Variants in SCMH1 observed in about 807,000 individuals in gnomAD.
The protein encoded by SCMH1 is polycomb protein SCMH1.
In SCMH1, 37 loss-of-function variants were observed where a neutral mutation model predicts 70.8. The ratio of observed to expected loss-of-function variants is 0.52; its 90% confidence interval spans 0.40 to 0.69. SCMH1 has a LOEUF of 0.69. SCMH1 is among the 30% of genes least tolerant of loss of function. The probability of loss-of-function intolerance (pLI) is 0.00; values close to 1 mark genes in which losing one functional copy is unlikely to be tolerated. For missense variants in SCMH1, 607 were observed against 827.3 expected, an observed-to-expected ratio of 0.73 and a Z score of 3.27; for synonymous variants, 292 against 307.4, an observed-to-expected ratio of 0.95 and a Z score of 0.52.
At chr1:41,072,668 C>T (rs1042386741) in intron 9 of SCMH1, among the ~76,000 whole-genome samples, 1 of 152,062 alleles carries the variant, frequency 6.6e-6, no homozygotes, top group Non-Finnish European at 1.5e-5. Flanking sequence ...TTGAGACCAG[C>T]CTGGGCAACA....
At chr1:41,241,458 G>A (rs1663521289) in intron 1 of SCMH1, among the ~76,000 whole-genome samples, 1 of 152,098 alleles carries the variant, frequency 6.6e-6, no homozygotes, top group Non-Finnish European at 1.5e-5. Flanking sequence ...CCAGCCCCCA[G>A]GACGCTGCTG....
chr1:41,052,561 A>C (rs754190438), intron 10 of SCMH1, among the ~76,000 whole-genome samples: 1 of 152,234 alleles, frequency 6.6e-6, no homozygotes, highest in Non-Finnish European at 1.5e-5. Flanking sequence ...ATACTGGCTA[A>C]TGATGCATTT....
chr1:41,201,897 T>C (rs1654441433), intron 1 of SCMH1, among the ~76,000 whole-genome samples: 1 of 152,220 alleles, frequency 6.6e-6, no homozygotes, highest in Non-Finnish European at 1.5e-5. Context: ...ACCTTCTTCA[T>C]GCCAACTCCT....
chr1:41,127,104 TTTA>T (rs1168856471), intron 6 of SCMH1, among the ~76,000 whole-genome samples: 1 of 152,178 alleles, frequency 6.6e-6, no homozygotes, highest in Non-Finnish European at 1.5e-5. Flanking sequence ...CTGCACTTAT[TTTA>T]TTATGAGTGG....
At chr1:41,227,748 G>A (rs1573239555) in intron 1 of SCMH1, among the ~76,000 whole-genome samples, 2 of 152,176 alleles carry the variant, frequency 1.3e-5, no homozygotes, top group African/African-American at 2.4e-5. Context: ...TTGGGAAGCC[G>A]AGGCGGGCAG....
chr1:41,179,365 T>C (rs1647995989), intron 2 of SCMH1, among the ~76,000 whole-genome samples: 1 of 152,056 alleles, frequency 6.6e-6, no homozygotes, highest in Non-Finnish European at 1.5e-5. Context: ...ATAACTAACA[T>C]CAGAGCAGAA....
chr1:41,062,948 G>T (rs1021964262), intron 10 of SCMH1, among the ~76,000 whole-genome samples: 10 of 149,862 alleles, frequency 6.7e-5, no homozygotes, highest in African/African-American at 2.2e-4. Context: ...GGAACTAAAT[G>T]AAAATGAAAA....
intron 8 of SCMH1, among the ~76,000 whole-genome samples, chr1:41,100,685 C>T (rs1666373587): frequency 6.6e-6 from 1 of 151,784 alleles, no homozygotes; most frequent in Non-Finnish European, 1.5e-5. Context: ...TCTGCTTCAG[C>T]CTCCCAAGTA....
intron 2 of SCMH1, among the ~76,000 whole-genome samples, chr1:41,167,904 A>T (rs1572783633): frequency 8.0e-6 from 1 of 124,612 alleles, no homozygotes; most frequent in East Asian, 2.3e-4. Flanking sequence ...CTTTGCTGGC[A>T]GTGTTTTGTT....
chr1:41,197,931 A>G (rs2148705115), intron 1 of SCMH1, among the ~76,000 whole-genome samples: 1 of 152,242 alleles, frequency 6.6e-6, no homozygotes, highest in Non-Finnish European at 1.5e-5. Flanking sequence ...TTTTCTGGAT[A>G]ATGTTACTAT....
chr1:41,175,134 T>C (rs147580366), intron 2 of SCMH1, among the ~76,000 whole-genome samples: 317 of 152,354 alleles, frequency 2.1e-3, no homozygotes, highest in Admixed American at 3.9e-3. Context: ...GTGGTATTTA[T>C]TGAAGAGATT....
At chr1:41,061,559 C>T (rs1652650878) in intron 10 of SCMH1, among the ~76,000 whole-genome samples, 2 of 152,134 alleles carry the variant, frequency 1.3e-5, no homozygotes, top group Non-Finnish European at 2.9e-5. Flanking sequence ...TACCTAACAA[C>T]AGAGTGTCAG....
chr1:41,076,832 A>C (rs2268677), intron 8 of SCMH1, among the ~76,000 whole-genome samples: 21,058 of 152,136 alleles, frequency 0.14, 1,795 homozygotes, highest in Middle Eastern at 0.28. Flanking sequence ...TTAGAGAGTG[A>C]GTAGCAGTAA....
intron 10 of SCMH1, among the ~76,000 whole-genome samples, chr1:41,058,004 C>A (rs919729005): frequency 2.0e-5 from 3 of 151,642 alleles, no homozygotes; most frequent in African/African-American, 4.8e-5. Flanking sequence ...CGCCTGTAGT[C>A]CCAGCTACAC....
At chr1:41,042,204 G>C (rs1236136378) in intron 12 of SCMH1, among the ~76,000 whole-genome samples, 2 of 151,514 alleles carry the variant, frequency 1.3e-5, no homozygotes, top group African/African-American at 4.9e-5. Context: ...CTGAAGGTAG[G>C]GACAATATCT....
At chr1:41,166,322 G>A (rs183627634) in intron 2 of SCMH1, among the ~76,000 whole-genome samples, 1 of 152,022 alleles carries the variant, frequency 6.6e-6, no homozygotes, top group African/African-American at 2.4e-5. Context: ...TGGCTATTTG[G>A]GATCCTTTGT....
intron 8 of SCMH1, among the ~76,000 whole-genome samples, chr1:41,101,683 C>T (rs777156496): frequency 6.6e-5 from 10 of 150,964 alleles, no homozygotes; most frequent in Admixed American, 1.3e-4. Flanking sequence ...TATCCAAGTC[C>T]GCTGTTTTTT....
At chr1:41,185,842 C>G (rs571012252) in intron 2 of SCMH1, 99 of 218,914 alleles carry the variant, frequency 4.5e-4, no homozygotes, top group African/African-American at 2.2e-3. Context: ...CCATGTTGGT[C>G]TCGAACTCCT....
At chr1:41,125,239 A>C (rs1031807356) in intron 6 of SCMH1, among the ~76,000 whole-genome samples, 1 of 152,048 alleles carries the variant, frequency 6.6e-6, no homozygotes, top group African/African-American at 2.4e-5. Context: ...TTTTTTAGAC[A>C]GGGTTTTGCT....
Sources: gnomAD v4.1 joint callset for allele counts (sites outside exome capture counted in the v4.1 genomes callset) on GRCh38, gnomAD v4.1.1 for gene constraint, MANE v1.5 for transcripts, NCBI Gene and HGNC (gene_info 2026-07-23, HGNC 2026-07-21) for gene names.